Variants in CHD1 observed in about 807,000 individuals in gnomAD.
CHD1 encodes the protein ATP-dependent chromatin remodeler CHD1.
CHD1 carries 36 observed loss-of-function variants against 224.2 expected under a neutral mutation model. That is an observed-to-expected ratio of 0.16 (90% CI 0.12 to 0.21). The LOEUF (loss-of-function observed/expected upper bound fraction) is 0.21. Ranked by LOEUF, CHD1 falls within the 10% of genes least tolerant of loss-of-function variation. The pLI is 1.00. For missense variants in CHD1, 1,378 were observed against 1,994.8 expected (o/e 0.69, Z 5.89); for synonymous variants, 668 against 658.3 (o/e 1.01, Z -0.23).
chr5:98,928,709 C>T lies in CHD1; in HGVS notation c.-319G>A, dbSNP rs183722106. The T allele has an allele frequency of 5.1e-3, 782 of 154,040 alleles. 13 individuals carry two copies. The East Asian group carries it at 0.053, about 10-fold the overall frequency. 9.5% of individuals were successfully genotyped at this position (154,040 alleles called of 1,614,324 possible). ...GCGGAGGGGAAGGGGAAGCCCCGGT[C>T]CGCAGCACCAACGCGCGATCCCCTG... On this transcript the variant is annotated 5_prime_UTR_variant, in exon 1 of 36. Coordinates refer to ENST00000614616, the MANE Select transcript of CHD1 (RefSeq NM_001270.4).
At chr5:98,906,371 A>G (rs987917192) in intron 2 of CHD1, among the ~76,000 whole-genome samples, 1 of 152,146 alleles carries the variant, frequency 6.6e-6, no homozygotes, top group Middle Eastern at 3.2e-3. Context: ...TTAAATTTTA[A>G]TTTTTAAGGC....
intron 2 of CHD1, among the ~76,000 whole-genome samples, chr5:98,912,030 TACTG>T (rs967404042): frequency 3.9e-5 from 6 of 152,216 alleles, no homozygotes; most frequent in Middle Eastern, 3.4e-3. Context: ...CTAAAATACA[TACTG>T]ACTGTTACAG....
At position 98,927,595 on chromosome 5, in the gene CHD1, T is replaced by A. The variant is rs143388045; in HGVS notation, c.-149+944A>T. On this transcript the variant is annotated intron_variant, in intron 1 of 35. Coordinates refer to ENST00000614616, the MANE Select transcript of CHD1 (RefSeq NM_001270.4). The stretch of plus-strand genomic sequence containing the variant: ...CTGCAAGAACAGGTTATCTAAAAAG[T>A]AACCGTTCTACTCAACATTTATTCC... Among the ~76,000 whole-genome samples, 170 of 152,340 alleles carry A rather than the reference T, an allele frequency of 1.1e-3. 1 individual carries two copies. The highest frequency in any genetic ancestry group is 3.6e-3 in the African/African-American group (150 of 41,568).
At position 98,858,348 on chromosome 5, in the gene CHD1, C is replaced by A; in HGVS notation, c.4619G>T (p.Ser1540Ile). Reference sequence around the variant, plus strand: ...TCTATCAGAGGAATAACTGTCCCTGCTGCTATCATCGTGATTTGTATTCTC... The same window carrying A: ...TCTATCAGAGGAATAACTGTCCCTGATGCTATCATCGTGATTTGTATTCTC... Reference protein sequence around the residue: ...LKENTNHDDSSRDSYSSDRHL... With the variant: ...LKENTNHDDSIRDSYSSDRHL... The change falls in exon 35 of 36, where the codon AGC becomes ATC. Residue 1540 changes from serine to isoleucine, a missense_variant. Coordinates refer to ENST00000614616, the MANE Select transcript of CHD1 (RefSeq NM_001270.4). 1 of 1,612,988 alleles carries A rather than the reference C, an allele frequency of 6.2e-7. No individual in the cohort carries two copies. The highest frequency in any genetic ancestry group is 8.5e-7 in the Non-Finnish European group (1 of 1,179,146).
chr5:98,854,685 C>T lies in CHD1; in HGVS notation c.*1695G>A, dbSNP rs1440941388. On this transcript the variant is annotated 3_prime_UTR_variant, in exon 36 of 36. Coordinates refer to ENST00000614616, the MANE Select transcript of CHD1 (RefSeq NM_001270.4). ...ACAAAACAAAAAGCAAAAAAACCCACAAGCTTTTATACACATAAACCTAAT... is the reference window on the plus strand; with the variant it reads ...ACAAAACAAAAAGCAAAAAAACCCATAAGCTTTTATACACATAAACCTAAT... The T allele has an allele frequency of 3.3e-5, 5 of 152,116 alleles. No homozygotes were observed. Among genetic ancestry groups the T allele is most frequent in the East Asian group, 1.9e-4 (1 of 5,182 alleles). The allele number at this position is 152,116 out of a possible 1,614,324, so 9.4% of individuals were successfully genotyped here.
chr5:98,898,627 TA>T, intron 9 of CHD1, 36 bp downstream of exon 9: 2 of 1,363,556 alleles, frequency 1.5e-6, no homozygotes, highest in South Asian at 1.2e-5. Flanking sequence ...ATTTCAAGCA[TA>T]AAAAGAAAGT....
At position 98,870,694 on chromosome 5, in the gene CHD1, G is replaced by A; in HGVS notation, c.3971C>T (p.Ser1324Phe). Reference sequence around the variant, plus strand: ...ATGTGGGCTTTAACTTACCGCACCAGAAAGAGCTTCTTTTTTTGCAAGATC... The same window carrying A: ...ATGTGGGCTTTAACTTACCGCACCAAAAAGAGCTTCTTTTTTTGCAAGATC... ...SRDLAKKEAL[S>F]GAGSSKRRKA... The change falls in exon 29 of 36, where the codon TCT (serine) becomes TTT (phenylalanine). Residue 1324 changes from serine to phenylalanine, a missense_variant. Ser to Phe is a radical substitution (Grantham distance 155). Around this residue, in one of 16 missense-constraint regions of CHD1, gnomAD observed 105 missense variants for 93.4 expected, o/e 1.12. Transcript: ENST00000614616. 2 of 1,591,610 alleles carry A rather than the reference G, an allele frequency of 1.3e-6. No individual in the cohort carries two copies. Among genetic ancestry groups the A allele is most frequent in the Non-Finnish European group, 1.7e-6 (2 of 1,167,106 alleles).
intron 13 of CHD1, 94 bp from the exon 14 acceptor site, chr5:98,893,700 A>G (rs568033974): frequency 1.5e-5 from 12 of 799,320 alleles, no homozygotes; most frequent in East Asian, 8.7e-5. Flanking sequence ...AAATGAAATA[A>G]AAATTAAAAA....
chr5:98,872,572 A>G lies in CHD1; in HGVS notation c.3572-17T>C. Reference sequence around the variant, plus strand: ...GTCTACCACCTTGATTTTTTTTAAAAAAACCAGTATTTTTAAAAGTATAAA... The same window carrying G: ...GTCTACCACCTTGATTTTTTTTAAAGAAACCAGTATTTTTAAAAGTATAAA... On this transcript the variant is annotated splice_polypyrimidine_tract_variant and intron_variant, in intron 26 of 35. Transcript: ENST00000614616. 1 of 1,608,620 alleles carries G rather than the reference A, an allele frequency of 6.2e-7. No homozygotes were observed. Among genetic ancestry groups the G allele is most frequent in the Non-Finnish European group, 8.5e-7 (1 of 1,176,464 alleles).
At chr5:98,863,377 T>C in intron 32 of CHD1, 31 bp downstream of exon 32, 2 of 1,322,410 alleles carry the variant, frequency 1.5e-6, no homozygotes, top group South Asian at 1.6e-5. Flanking sequence ...ATAATATAAA[T>C]TTAACACTTC....
intron 32 of CHD1, chr5:98,860,459 G>C (rs1748384813): frequency 4.1e-6 from 1 of 246,302 alleles, no homozygotes; most frequent in African/African-American, 2.3e-5. Context: ...CAGATAATAT[G>C]AATTATGCTT....
At position 98,873,246 on chromosome 5, in the gene CHD1, TC is replaced by T. The variant is rs759360528; in HGVS notation, c.3571+346del. On this transcript the variant is annotated intron_variant, in intron 26 of 35. Coordinates refer to ENST00000614616, the MANE Select transcript of CHD1 (RefSeq NM_001270.4). ...ATATGTGTATATTTGCATTATATTT[TC>T]CCAGTCATCTATACTAAAAAACCTA... is the stretch of plus-strand genomic sequence containing the variant. 8.1e-4 allele frequency among the ~76,000 whole-genome samples: 123 copies of T among 152,156 alleles called. 1 individual carries two copies. Among genetic ancestry groups the T allele is most frequent in the Non-Finnish European group, 1.2e-3 (83 of 68,006 alleles).
chr5:98,901,120 G>GA, intron 6 of CHD1, 38 bp from the exon 7 acceptor site: 1 of 1,567,374 alleles, frequency 6.4e-7, no homozygotes, highest in East Asian at 2.2e-5. Context: ...CAAGATTTGA[G>GA]AAACTATATA....
At chr5:98,899,841 G>A in intron 7 of CHD1, 136 bp from the exon 8 acceptor site, 1 of 584,024 alleles carries the variant, frequency 1.7e-6, no homozygotes, top group Non-Finnish European at 3.0e-6. Flanking sequence ...GAAACTTATG[G>A]GAAATTCTAT....
intron 2 of CHD1, among the ~76,000 whole-genome samples, chr5:98,922,931 G>T (rs1018192918): frequency 3.2e-4 from 48 of 152,062 alleles, no homozygotes; most frequent in African/African-American, 1.1e-3. Flanking sequence ...GGAGGATGCA[G>T]TGAGCCGAGG....
chr5:98,881,350 A>T lies in CHD1; in HGVS notation c.2893T>A (p.Leu965Ile). The change falls in exon 21 of 36, where the codon TTA becomes ATA. Residue 965 changes from leucine (L) to isoleucine (I), a missense_variant. Leu to Ile is a conservative substitution (Grantham distance 5). Transcript: ENST00000614616. ...SSSTPFNKEE[L>I]SAILKFGAEE... ...GCACCAAACTTTAAAATGGCTGATA[A>T]CTCTTCTTTATTGAAAGGAGTAGAA... The T allele has an allele frequency of 6.4e-7, 1 of 1,557,152 alleles. No individual in the cohort carries two copies. The highest frequency in any genetic ancestry group is 8.7e-7 in the Non-Finnish European group (1 of 1,151,788).
chr5:98,920,063 T>C (rs1011393613), intron 2 of CHD1, among the ~76,000 whole-genome samples: 2 of 152,082 alleles, frequency 1.3e-5, no homozygotes, highest in Non-Finnish European at 2.9e-5. Context: ...TCAACTATTA[T>C]ACAATAGATA....
chr5:98,881,950 A>T, intron 20 of CHD1, 25 bp downstream of exon 20: 2 of 1,601,028 alleles, frequency 1.2e-6, no homozygotes, highest in African/African-American at 1.3e-5. Context: ...CTAAAATGAC[A>T]TTTTTTTAAT....
At chr5:98,926,995 G>A (rs1753510772) in intron 1 of CHD1, among the ~76,000 whole-genome samples, 1 of 151,238 alleles carries the variant, frequency 6.6e-6, no homozygotes, top group Admixed American at 6.6e-5. Context: ...ACTTGAGTGA[G>A]AAAGTTCTGA....
Sources: allele counts gnomAD v4.1 joint callset (sites outside exome capture counted in the v4.1 genomes callset), GRCh38; gene constraint gnomAD v4.1.1; regional missense constraint gnomAD v4.1.1; transcripts MANE v1.5; gene names NCBI Gene and HGNC (gene_info 2026-07-23, HGNC 2026-07-21).